The following USH2A variants were observed in gnomAD, a reference collection of about 807,000 sequenced individuals.
The protein encoded by USH2A is usherin.
USH2A carries 443 observed loss-of-function variants against 538.9 expected under a neutral mutation model. The ratio of observed to expected loss-of-function variants is 0.82; its 90% CI spans 0.76 to 0.89. The LOEUF is 0.89. USH2A is among the 40% of genes least tolerant of loss of function. The probability of loss-of-function intolerance (pLI) is 0.00; values close to 1 mark genes in which losing one functional copy is unlikely to be tolerated. For synonymous variants in USH2A, 2,413 were observed against 2,273.5 expected, an observed-to-expected ratio of 1.06 and a Z score of -1.75; for missense variants, 6,633 against 6,324.8, an observed-to-expected ratio of 1.05 and a Z score of -1.65.
At chr1:215,791,376 T>C (rs1438325018) in intron 50 of USH2A, among the ~76,000 whole-genome samples, 1 of 152,162 alleles carries the variant, frequency 6.6e-6, no homozygotes, top group Admixed American at 6.6e-5. Flanking sequence ...TTTAATCTGG[T>C]CCTGTGTAAA....
At chr1:216,048,675 T>G in intron 30 of USH2A, 28 bp from the exon 31 acceptor site, 2 of 1,580,668 alleles carry the variant, frequency 1.3e-6, no homozygotes, top group Admixed American at 3.3e-5. Flanking sequence ...AAAAGAGGGT[T>G]GCGTGTTTAC....
intron 21 of USH2A, among the ~76,000 whole-genome samples, chr1:216,172,266 G>A (rs529955880): frequency 1.3e-5 from 2 of 152,176 alleles, no homozygotes; most frequent in South Asian, 4.1e-4. Context: ...GCCATGAAAT[G>A]TGTTATGAAT....
At chr1:216,228,939 C>T (rs549334695) in intron 14 of USH2A, among the ~76,000 whole-genome samples, 155 of 152,068 alleles carry the variant, frequency 1.0e-3, no homozygotes, top group African/African-American at 3.6e-3. Flanking sequence ...TTTGGGAGGC[C>T]GAGGTGGGCG....
chr1:215,960,445 G>GA (rs1178890463), intron 37 of USH2A, among the ~76,000 whole-genome samples: 1 of 150,074 alleles, frequency 6.7e-6, no homozygotes, highest in African/African-American at 2.5e-5. Context: ...TCATATGTGT[G>GA]AAAAAATACT....
chr1:216,271,786 T>G (rs1282306164), intron 11 of USH2A, among the ~76,000 whole-genome samples: 1 of 152,146 alleles, frequency 6.6e-6, no homozygotes, highest in Non-Finnish European at 1.5e-5. Flanking sequence ...GGAATTCTTT[T>G]GTATTCTATT....
intron 9 of USH2A, among the ~76,000 whole-genome samples, chr1:216,314,215 C>G (rs77511362): frequency 6.6e-6 from 1 of 152,070 alleles, no homozygotes; most frequent in African/African-American, 2.4e-5. Context: ...TGCTCATAAC[C>G]TCTTTTTCAT....
At chr1:215,904,862 A>C (rs552378001) in intron 38 of USH2A, among the ~76,000 whole-genome samples, 1 of 152,252 alleles carries the variant, frequency 6.6e-6, no homozygotes, top group South Asian at 2.1e-4. Flanking sequence ...CAAAACATTA[A>C]GCAATAAATT....
At chr1:216,245,683 T>C (rs1311185959) in intron 13 of USH2A, among the ~76,000 whole-genome samples, 1 of 152,152 alleles carries the variant, frequency 6.6e-6, no homozygotes, top group African/African-American at 2.4e-5. Context: ...GAATGAACTC[T>C]TCATCAATTC....
At chr1:216,170,322 G>A (rs763781624) in intron 21 of USH2A, among the ~76,000 whole-genome samples, 7 of 151,658 alleles carry the variant, frequency 4.6e-5, no homozygotes, top group Admixed American at 2.0e-4. Flanking sequence ...ACCATTTTTG[G>A]GAAGGTGAAT....
At chr1:215,627,134 C>A (rs1238132061) in intron 71 of USH2A, among the ~76,000 whole-genome samples, 1 of 152,096 alleles carries the variant, frequency 6.6e-6, no homozygotes, top group Non-Finnish European at 1.5e-5. Flanking sequence ...GTTAGGGAAC[C>A]TGGGTCCAGC....
At chr1:216,044,149 C>G (rs72744693) in intron 32 of USH2A, among the ~76,000 whole-genome samples, 7,718 of 152,102 alleles carry the variant, frequency 0.051, 277 homozygotes, top group South Asian at 0.088. Flanking sequence ...AACAAACAAA[C>G]AGTCCTATTC....
intron 4 of USH2A, among the ~76,000 whole-genome samples, chr1:216,347,488 T>A (rs2038201053): frequency 6.6e-6 from 1 of 152,126 alleles, no homozygotes; most frequent in Admixed American, 6.6e-5. Flanking sequence ...TTAGGTGGCC[T>A]AAAGTCCAAA....
intron 14 of USH2A, among the ~76,000 whole-genome samples, chr1:216,225,395 G>C (rs2035541136): frequency 6.6e-6 from 1 of 152,162 alleles, no homozygotes; most frequent in South Asian, 2.1e-4. Flanking sequence ...AGGATTTCCT[G>C]TGTAATGATT....
At chr1:215,886,518 A>G (rs1426155778) in intron 41 of USH2A, 3 of 152,232 alleles carry the variant, frequency 2.0e-5, no homozygotes, top group Admixed American at 6.5e-5. Context: ...TCCTAGTTAT[A>G]AGATGAGAAT....
rs770615998 is a variant in USH2A at position 215,782,945 on chromosome 1, G to GA, written c.10388-11dup. On this transcript the variant is annotated splice_polypyrimidine_tract_variant and intron_variant, in intron 52 of 71. Coordinates refer to ENST00000307340, the MANE Select transcript of USH2A (RefSeq NM_206933.4). ...GGCTTGAGGTTCACATCTGGAAAGA[G>GA]AAAAAATAGACAGGGAAGTTTCTCT... 4.4e-6 allele frequency: 7 copies of GA among 1,608,724 alleles called. No individual in the cohort carries two copies. The highest frequency in any genetic ancestry group is 5.9e-6 in the Non-Finnish European group (7 of 1,177,780).
At chr1:216,091,672 T>G (rs1375316026) in intron 22 of USH2A, among the ~76,000 whole-genome samples, 2 of 152,190 alleles carry the variant, frequency 1.3e-5, no homozygotes, top group African/African-American at 4.8e-5. Context: ...TTAAATTGTT[T>G]TGTAAGGAAT....
intron 14 of USH2A, among the ~76,000 whole-genome samples, chr1:216,230,480 T>C (rs1263537900): frequency 6.6e-6 from 1 of 152,184 alleles, no homozygotes; most frequent in Non-Finnish European, 1.5e-5. Flanking sequence ...TATGCATGTA[T>C]GTCAAGAAAA....
At chr1:215,956,884 C>T (rs1403274468) in intron 37 of USH2A, among the ~76,000 whole-genome samples, 1 of 152,084 alleles carries the variant, frequency 6.6e-6, no homozygotes, top group South Asian at 2.1e-4. Flanking sequence ...GCTTTATTGG[C>T]CATGACATGA....
chr1:215,674,586 G>A lies in USH2A; in HGVS notation c.13325C>T (p.Ala4442Val). ...TGGAGAGTCCATGTTCTCTGGCAGG[G>A]CCTCCATTGTCCAGGCAGATTTTGA... ...SVSKSAWTMEALPENMDSPTL... is the reference protein window; with the variant it reads ...SVSKSAWTMEVLPENMDSPTL... Residue 4442 changes from alanine (A) to valine (V), a missense_variant, in exon 63 of 72, where the codon GCC becomes GTC. By Grantham distance (64) the Ala-to-Val change is moderately conservative (BLOSUM62 0). Transcript: ENST00000307340. 1.2e-6 allele frequency: 2 copies of A among 1,614,102 alleles called. No individual in the cohort carries two copies. Among genetic ancestry groups the A allele is most frequent in the South Asian group, 2.2e-5 (2 of 91,078 alleles).
Sources: allele counts gnomAD v4.1 joint callset (sites outside exome capture counted in the v4.1 genomes callset), GRCh38; gene constraint gnomAD v4.1.1; transcripts MANE v1.5; gene names NCBI Gene and HGNC (gene_info 2026-07-23, HGNC 2026-07-21).